Variants in PTPRK observed in about 807,000 individuals in gnomAD.
PTPRK encodes the protein receptor-type tyrosine-protein phosphatase kappa.
Under a neutral mutation model 178.0 loss-of-function variants are expected in PTPRK, and 75 were observed. That is an observed-to-expected ratio of 0.42 (90% CI 0.35 to 0.51). The LOEUF (loss-of-function observed/expected upper bound fraction) is 0.51, where lower values mean the gene tolerates loss of function less well. Ranked by LOEUF, PTPRK falls within the 20% of genes least tolerant of loss-of-function variation. PTPRK has a pLI of 0.02. For synonymous variants in PTPRK, 637 were observed against 620.6 expected, an observed-to-expected ratio of 1.03 and a Z score of -0.39; for missense variants, 1,441 against 1,797.8, an observed-to-expected ratio of 0.80 and a Z score of 3.59.
chr6:127,972,652 G>A (rs905662632), intron 29 of PTPRK, among the ~76,000 whole-genome samples: 1 of 152,072 alleles, frequency 6.6e-6, no homozygotes, highest in South Asian at 2.1e-4. Context: ...TAAAAATACT[G>A]GGTGTCTAAG....
Position 128,005,130 on chromosome 6 carries a change from ATCT to A in PTPRK, c.2445_2447del (p.Glu815del), listed in dbSNP as rs747074926. On this transcript the variant is annotated inframe_deletion, in exon 15 of 30. Transcript: ENST00000368226. Reference sequence around the variant, plus strand: ...GGTCCATGAAGGTGATGGAAAGAGGATCTTCTGCATGCAGAGTGCTCTGATCAG... The same window carrying A: ...GGTCCATGAAGGTGATGGAAAGAGGATCTGCATGCAGAGTGCTCTGATCAG... 6.2e-7 allele frequency: 1 copy of A among 1,611,112 alleles called. No individual in the cohort carries two copies. The highest frequency in any genetic ancestry group is 8.5e-7 in the Non-Finnish European group (1 of 1,178,226).
At chr6:127,983,400 G>A (rs765941112) in intron 22 of PTPRK, 23 bp from the exon 23 acceptor site, 1 of 1,608,688 alleles carries the variant, frequency 6.2e-7, no homozygotes, top group Non-Finnish European at 8.5e-7. Flanking sequence ...TAAATTTAAT[G>A]AATTGTAAGA....
intron 3 of PTPRK, among the ~76,000 whole-genome samples, chr6:128,290,280 G>A (rs1823170471): frequency 6.6e-6 from 1 of 152,010 alleles, no homozygotes; most frequent in Non-Finnish European, 1.5e-5. Flanking sequence ...CTACCACTAA[G>A]CAGACTTTGT....
At chr6:128,148,369 T>C (rs1471524462) in intron 7 of PTPRK, among the ~76,000 whole-genome samples, 1 of 152,142 alleles carries the variant, frequency 6.6e-6, no homozygotes, top group African/African-American at 2.4e-5. Flanking sequence ...ACTTAGCATA[T>C]ATTATGTAAA....
intron 7 of PTPRK, among the ~76,000 whole-genome samples, chr6:128,106,374 C>T (rs1789723724): frequency 2.0e-5 from 3 of 151,856 alleles, no homozygotes; most frequent in Admixed American, 2.0e-4. Context: ...TCTTCTACTC[C>T]CTCTGTAGAA....
chr6:128,340,336 T>G (rs1225813098), intron 2 of PTPRK, among the ~76,000 whole-genome samples: 2 of 152,174 alleles, frequency 1.3e-5, no homozygotes, highest in Non-Finnish European at 2.9e-5. Flanking sequence ...ACTTTCTCTG[T>G]TGATGAACAT....
chr6:128,254,976 G>A (rs1817041851), intron 3 of PTPRK, among the ~76,000 whole-genome samples: 1 of 152,030 alleles, frequency 6.6e-6, no homozygotes, highest in African/African-American at 2.4e-5. Context: ...CAAAATAAGT[G>A]GAATAAAATC....
chr6:128,114,682 AC>A (rs1791205935), intron 7 of PTPRK, among the ~76,000 whole-genome samples: 1 of 151,148 alleles, frequency 6.6e-6, no homozygotes, highest in Non-Finnish European at 1.5e-5. Flanking sequence ...CCTGGAGGAA[AC>A]GACCCCCAAG....
At position 128,271,868 on chromosome 6, in the gene PTPRK, T is replaced by G. The variant is rs58039418; in HGVS notation, c.496-29266A>C. Among the ~76,000 whole-genome samples the G allele has an allele frequency of 6.5e-3, 986 of 152,014 alleles. 9 individuals are homozygous for G. The highest frequency in any genetic ancestry group is 0.023 in the African/African-American group (952 of 41,486). On this transcript the variant is annotated intron_variant, in intron 3 of 29. Transcript: ENST00000368226. The stretch of plus-strand genomic sequence containing the variant: ...CAAGAGTTTTACTTAAAATTAACAT[T>G]GAACTGAAAGGTTTATTGTGTAGTG...
chr6:128,284,768 A>T (rs1034651740), intron 3 of PTPRK, among the ~76,000 whole-genome samples: 1 of 152,238 alleles, frequency 6.6e-6, no homozygotes, highest in South Asian at 2.1e-4. Flanking sequence ...TAAGGAAACT[A>T]GAGTGCAAAT....
intron 1 of PTPRK, among the ~76,000 whole-genome samples, chr6:128,439,052 T>C (rs1845965987): frequency 6.6e-6 from 1 of 152,202 alleles, no homozygotes; most frequent in Admixed American, 6.5e-5. Context: ...GCTTAGAAAG[T>C]ACTTTGGAGT....
chr6:128,011,906 A>G (rs972636314), intron 13 of PTPRK, among the ~76,000 whole-genome samples: 2 of 151,272 alleles, frequency 1.3e-5, no homozygotes, highest in Non-Finnish European at 3.0e-5. Flanking sequence ...TAAAGTCATA[A>G]TCTATATGTC....
At chr6:128,502,155 AATGTCC>A (rs1855652874) in intron 1 of PTPRK, among the ~76,000 whole-genome samples, 1 of 152,202 alleles carries the variant, frequency 6.6e-6, no homozygotes, top group South Asian at 2.1e-4. Flanking sequence ...TAGCATGAAA[AATGTCC>A]ATAGTTCAAA....
chr6:128,251,060 G>A (rs1452626455), intron 3 of PTPRK, among the ~76,000 whole-genome samples: 1 of 152,160 alleles, frequency 6.6e-6, no homozygotes, highest in Non-Finnish European at 1.5e-5. Context: ...TCTAAAGTGT[G>A]AAAAGGCCTT....
intron 5 of PTPRK, among the ~76,000 whole-genome samples, chr6:128,232,679 A>T (rs1342308340): frequency 1.3e-5 from 2 of 152,216 alleles, no homozygotes; most frequent in Non-Finnish European, 2.9e-5. Flanking sequence ...TCACTTACCT[A>T]ATCTTCTACA....
intron 3 of PTPRK, among the ~76,000 whole-genome samples, chr6:128,283,195 G>A (rs1821954284): frequency 6.6e-6 from 1 of 152,096 alleles, no homozygotes; most frequent in Non-Finnish European, 1.5e-5. Context: ...AGAGTCCTTG[G>A]TGCACACTTG....
chr6:128,011,291 C>G (rs556350474), intron 13 of PTPRK, among the ~76,000 whole-genome samples: 13 of 151,104 alleles, frequency 8.6e-5, no homozygotes, highest in Non-Finnish European at 1.8e-4. Flanking sequence ...CTATGAGACA[C>G]TTGGCTTTCA....
intron 6 of PTPRK, among the ~76,000 whole-genome samples, chr6:128,203,713 A>T (rs567857969): frequency 6.6e-6 from 1 of 152,190 alleles, no homozygotes; most frequent in Non-Finnish European, 1.5e-5. Context: ...AATACAGCTA[A>T]CAAGGGAAGT....
At chr6:128,094,129 T>C (rs1230169626) in intron 7 of PTPRK, among the ~76,000 whole-genome samples, 1 of 152,098 alleles carries the variant, frequency 6.6e-6, no homozygotes, top group Non-Finnish European at 1.5e-5. Flanking sequence ...ACAAGTATCA[T>C]ATAGGAGATA....
Sources: gnomAD v4.1 joint callset for allele counts (sites outside exome capture counted in the v4.1 genomes callset) on GRCh38, gnomAD v4.1.1 for gene constraint, MANE v1.5 for transcripts, NCBI Gene and HGNC (gene_info 2026-07-23, HGNC 2026-07-21) for gene names.